The following RHOJ variants were observed in gnomAD, a reference collection of about 807,000 sequenced individuals.
RHOJ encodes rho-related GTP-binding protein RhoJ.
Under a neutral mutation model 23.4 loss-of-function variants are expected in RHOJ, and 11 were observed. The ratio of observed to expected loss-of-function variants is 0.47; its 90% CI spans 0.30 to 0.78. The LOEUF is 0.78. Ranked by LOEUF, RHOJ falls within the 30% of genes least tolerant of loss-of-function variation. The pLI is 0.08. For missense variants in RHOJ, 254 were observed against 273.4 expected, an observed-to-expected ratio of 0.93 and a Z score of 0.50; for synonymous variants, 102 against 102.7, an observed-to-expected ratio of 0.99 and a Z score of 0.04.
Position 63,287,482 on chromosome 14 carries a change from A to T in RHOJ, c.499-3396A>T, listed in dbSNP as rs191576804. 2.6e-5 allele frequency among the ~76,000 whole-genome samples: 4 copies of T among 152,220 alleles called. No individual in the cohort carries two copies. In the East Asian group the frequency reaches 7.7e-4, roughly 29 times the overall value. ...CTCAGACATGTCTACAGCTGGGAAGATCTCTTTGCCTTTATCCCTTCCAGT... is the reference window on the plus strand; with the variant it reads ...CTCAGACATGTCTACAGCTGGGAAGTTCTCTTTGCCTTTATCCCTTCCAGT... On this transcript the variant is annotated intron_variant, in intron 4 of 4. Transcript: ENST00000316754.
intron 4 of RHOJ, among the ~76,000 whole-genome samples, chr14:63,286,368 G>C (rs1160987470): frequency 1.3e-5 from 2 of 152,156 alleles, no homozygotes; most frequent in Admixed American, 1.3e-4. Context: ...CACGGAAGGA[G>C]GTTTCAGAGA....
At chr14:63,290,116 G>A (rs760712075) in intron 4 of RHOJ, among the ~76,000 whole-genome samples, 14 of 152,060 alleles carry the variant, frequency 9.2e-5, no homozygotes, top group Non-Finnish European at 7.4e-5. Flanking sequence ...GGTGGCACAC[G>A]CCTGTAATCC....
intron 4 of RHOJ, 152 bp from the exon 5 acceptor site, chr14:63,290,726 A>G (rs1882220665): frequency 1.3e-5 from 2 of 159,350 alleles, no homozygotes; most frequent in South Asian, 1.7e-4. Flanking sequence ...ATTGAAATGG[A>G]AAAAAAAAAA....
chr14:63,244,599 C>T (rs1386982041), intron 1 of RHOJ, among the ~76,000 whole-genome samples: 1 of 151,924 alleles, frequency 6.6e-6, no homozygotes, highest in Admixed American at 6.6e-5. Flanking sequence ...AAAAGGGTAA[C>T]GTTCTGTTGA....
intron 1 of RHOJ, among the ~76,000 whole-genome samples, chr14:63,267,832 G>T (rs1360160589): frequency 1.3e-5 from 2 of 152,226 alleles, no homozygotes; most frequent in Non-Finnish European, 2.9e-5. Context: ...CTGCAGCCAT[G>T]TTATCAAGCT....
chr14:63,228,587 A>C (rs1414406434), intron 1 of RHOJ, among the ~76,000 whole-genome samples: 1 of 152,188 alleles, frequency 6.6e-6, no homozygotes, highest in African/African-American at 2.4e-5. Context: ...AAAAAAAGTC[A>C]AACTACAGAA....
At position 63,291,111 on chromosome 14, in the gene RHOJ, C is replaced by T. The variant is rs141063012; in HGVS notation, c.*87C>T. On this transcript the variant is annotated 3_prime_UTR_variant, in exon 5 of 5. Transcript: ENST00000316754. ...CAAGCTCCAGCCAAAAAGGAGGGCA[C>T]GACCAGAAAGGAACTCCCTTTGCAC... The T allele has an allele frequency of 3.0e-3, 4,484 of 1,501,578 alleles. 10 individuals carry two copies. The highest frequency in any genetic ancestry group is 4.1e-3 in the Admixed American group (245 of 59,602). The allele number at this position is 1,501,578 out of a possible 1,614,324, so 93.0% of individuals were successfully genotyped here.
intron 1 of RHOJ, among the ~76,000 whole-genome samples, chr14:63,216,627 T>A (rs560041103): frequency 1.3e-5 from 2 of 152,202 alleles, no homozygotes; most frequent in Admixed American, 1.3e-4. Context: ...CTAAATGCTT[T>A]TTTTTCTAAA....
At position 63,204,938 on chromosome 14, in the gene RHOJ, G is replaced by C. The variant is rs1894073928; in HGVS notation, c.69G>C (p.Lys23Asn). ...GCAACGACGAGAAGAAGATGTTGAA[G>C]TGTGTGGTGGTGGGGGACGGTGCCG... Reference protein sequence around the residue: ...CRGNDEKKMLKCVVVGDGAVG... With the variant: ...CRGNDEKKMLNCVVVGDGAVG... Residue 23 changes from lysine to asparagine, a missense_variant, in exon 1 of 5, where the codon AAG (lysine) becomes AAC (asparagine). Lys to Asn is a moderately conservative substitution (Grantham distance 94). Coordinates refer to ENST00000316754, the MANE Select transcript of RHOJ (RefSeq NM_020663.5). 6.2e-7 allele frequency: 1 copy of C among 1,614,232 alleles called. No individual in the cohort carries two copies. Among genetic ancestry groups the C allele is most frequent in the South Asian group, 1.1e-5 (1 of 91,086 alleles).
rs529145768 is a variant in RHOJ, at chr14:63,252,540, G to A, written c.179-16570G>A. Reference sequence around the variant, plus strand: ...AGTAGCCCAGGGATATTTTCAAAACGTTGTTTTAACCCCAAGAAAAACATC... The same window carrying A: ...AGTAGCCCAGGGATATTTTCAAAACATTGTTTTAACCCCAAGAAAAACATC... On this transcript the variant is annotated intron_variant, in intron 1 of 4. Coordinates refer to ENST00000316754, the MANE Select transcript of RHOJ (RefSeq NM_020663.5). Among the ~76,000 whole-genome samples, 7 of 152,148 alleles carry A rather than the reference G, an allele frequency of 4.6e-5. No individual in the cohort carries two copies. In the East Asian group the frequency reaches 5.8e-4, roughly 13 times the overall value.
At chr14:63,288,118 C>T (rs1882140346) in intron 4 of RHOJ, 1 of 933,022 alleles carries the variant, frequency 1.1e-6, no homozygotes, top group South Asian at 4.9e-5. Flanking sequence ...CTTTTTCTAT[C>T]AGTACAACAT....
chr14:63,259,447 G>A (rs945225939), intron 1 of RHOJ, among the ~76,000 whole-genome samples: 7 of 152,176 alleles, frequency 4.6e-5, no homozygotes, highest in Admixed American at 1.3e-4. Flanking sequence ...TCCTTAAGAG[G>A]AGTAGCTAGC....
At chr14:63,219,893 C>G (rs746425672) in intron 1 of RHOJ, among the ~76,000 whole-genome samples, 1 of 152,020 alleles carries the variant, frequency 6.6e-6, no homozygotes, top group Admixed American at 6.6e-5. Flanking sequence ...AAGGGGAATG[C>G]GCATCTCTCT....
chr14:63,292,552 T>C lies in RHOJ; in HGVS notation c.*1528T>C, dbSNP rs1184179356. 1 of 152,218 alleles carries C rather than the reference T, an allele frequency of 6.6e-6. No individual in the cohort carries two copies. Among genetic ancestry groups the C allele is most frequent in the African/African-American group, 2.4e-5 (1 of 41,456 alleles). 9.4% of individuals were successfully genotyped at this position (152,218 alleles called of 1,614,324 possible). ...GTTGCATGAGCAAAGTGCTTCTTAG[T>C]AGTGTGAAATTACAACAACTTTAAG... On this transcript the variant is annotated 3_prime_UTR_variant, in exon 5 of 5. Coordinates refer to ENST00000316754, the MANE Select transcript of RHOJ (RefSeq NM_020663.5).
At chr14:63,289,015 A>G (rs1882168355) in intron 4 of RHOJ, among the ~76,000 whole-genome samples, 1 of 152,118 alleles carries the variant, frequency 6.6e-6, no homozygotes, top group Non-Finnish European at 1.5e-5. Flanking sequence ...TTCTGGGTCT[A>G]TTTCTTTCAC....
chr14:63,276,830 T>C (rs1881735852), intron 2 of RHOJ, among the ~76,000 whole-genome samples: 1 of 152,260 alleles, frequency 6.6e-6, no homozygotes, highest in Non-Finnish European at 1.5e-5. Context: ...AGCATACTCC[T>C]TTCCGACTAT....
intron 1 of RHOJ, among the ~76,000 whole-genome samples, chr14:63,221,420 C>T (rs1015664035): frequency 5.9e-5 from 9 of 152,156 alleles, no homozygotes; most frequent in Non-Finnish European, 1.3e-4. Flanking sequence ...CACACATGGG[C>T]TTAGAGTAGG....
chr14:63,271,552 G>C (rs1895469653), intron 2 of RHOJ, among the ~76,000 whole-genome samples: 1 of 152,138 alleles, frequency 6.6e-6, no homozygotes, highest in Non-Finnish European at 1.5e-5. Flanking sequence ...GCTTCTACAG[G>C]TCTAGGGTGG....
chr14:63,230,805 T>C (rs936877454), intron 1 of RHOJ, among the ~76,000 whole-genome samples: 2 of 151,652 alleles, frequency 1.3e-5, no homozygotes, highest in Admixed American at 6.6e-5. Flanking sequence ...ATAAATATTT[T>C]TGAGTGAGTG....
Sources: gnomAD v4.1 joint callset for allele counts (sites outside exome capture counted in the v4.1 genomes callset) on GRCh38, gnomAD v4.1.1 for gene constraint, MANE v1.5 for transcripts, NCBI Gene and HGNC (gene_info 2026-07-23, HGNC 2026-07-21) for gene names.